Variants in ELFN2 observed in about 807,000 individuals in gnomAD.
ELFN2 encodes protein phosphatase 1 regulatory subunit 29.
ELFN2 carries 17 observed loss-of-function variants against 45.5 expected under a neutral mutation model. The ratio of observed to expected loss-of-function variants is 0.37; its 90% CI spans 0.26 to 0.56. The LOEUF (loss-of-function observed/expected upper bound fraction) is 0.56, where lower values mean the gene tolerates loss of function less well. Among genes scored for constraint, ELFN2 ranks in the 20% least tolerant of loss-of-function variants. ELFN2 has a pLI of 0.77. For missense variants in ELFN2, 922 were observed against 1,183.2 expected (o/e 0.78, Z 3.24); for synonymous variants, 550 against 551.5 (o/e 1.00, Z 0.04).
rs1454489838 is a variant in ELFN2, at chr22:37,373,170, C to T, written c.2365G>A (p.Gly789Ser). The change falls in exon 3 of 3, where the codon GGT (glycine) becomes AGT (serine). Residue 789 changes from glycine (G) to serine (S), a missense_variant. Gly to Ser is a moderately conservative substitution (Grantham distance 56, BLOSUM62 0). This residue lies in a region of ELFN2 where 564 missense variants were observed against 642.8 expected (regional missense o/e 0.88). Coordinates refer to ENST00000402918, the MANE Select transcript of ELFN2 (RefSeq NM_052906.5). ...HHREEVYMAA[G>S]HALRKKVQFA... is the part of the protein sequence containing the mutation. ...TGGACCTTCTTGCGCAGGGCGTGAC[C>T]GGCGGCCATGTACACCTCCTCCCGG... 6 of 1,613,784 alleles carry T rather than the reference C, an allele frequency of 3.7e-6. No individual in the cohort carries two copies. The highest frequency in any genetic ancestry group is 2.2e-5 in the East Asian group (1 of 44,876).
intron 2 of ELFN2, among the ~76,000 whole-genome samples, chr22:37,341,561 C>T (rs1004952442): frequency 3.2e-4 from 49 of 152,200 alleles, no homozygotes; most frequent in African/African-American, 1.1e-3. Flanking sequence ...ATATTTCCAA[C>T]GTGGTTGAAG....
chr22:37,376,185 G>A (rs1931581075), intron 2 of ELFN2, among the ~76,000 whole-genome samples, 189 bp from the exon 3 acceptor site: 2 of 152,096 alleles, frequency 1.3e-5, no homozygotes, highest in South Asian at 4.1e-4. Context: ...GGCAGGAGGG[G>A]GCCCAGGGGC....
chr22:37,399,208 TC>T (rs1932297719), intron 2 of ELFN2, among the ~76,000 whole-genome samples: 1 of 151,942 alleles, frequency 6.6e-6, no homozygotes, highest in South Asian at 2.1e-4. Flanking sequence ...TACCCTCCTG[TC>T]CCATCCCCGC....
At chr22:37,400,279 C>A (rs1306994867) in intron 2 of ELFN2, among the ~76,000 whole-genome samples, 1 of 152,058 alleles carries the variant, frequency 6.6e-6, no homozygotes, top group African/African-American at 2.4e-5. Context: ...GTCCACAGGC[C>A]GACTCCCACT....
At chr22:37,425,938 G>A (rs184170492) in intron 1 of ELFN2, among the ~76,000 whole-genome samples, 101 of 149,476 alleles carry the variant, frequency 6.8e-4, no homozygotes, top group Middle Eastern at 3.6e-3. Context: ...ATATTAAAAC[G>A]CCTCTCGGTA....
intron 2 of ELFN2, among the ~76,000 whole-genome samples, chr22:37,411,353 G>A (rs1932645445): frequency 6.6e-6 from 1 of 152,308 alleles, no homozygotes; most frequent in South Asian, 2.1e-4. Context: ...CACCATTGGG[G>A]CACCTCAGTG....
intron 1 of ELFN2, among the ~76,000 whole-genome samples, chr22:37,422,379 CGTTTTTTTT>C (rs1932815087): frequency 6.6e-6 from 1 of 151,554 alleles, no homozygotes. Context: ...GTTAAGAATT[CGTTTTTTTT>C]GTTTTTTGGT....
At chr22:37,425,245 A>C (rs73884047) in intron 1 of ELFN2, among the ~76,000 whole-genome samples, 7,506 of 152,200 alleles carry the variant, frequency 0.049, 663 homozygotes, top group African/African-American at 0.17. Context: ...GCTGCAGCAC[A>C]TTGGAGGCCT....
intron 1 of ELFN2, among the ~76,000 whole-genome samples, chr22:37,350,562 C>T (rs1930798713): frequency 1.3e-5 from 2 of 150,786 alleles, no homozygotes; most frequent in South Asian, 4.2e-4. Flanking sequence ...ACCGCAGGGC[C>T]CTAGGCCCAC....
chr22:37,383,173 CGATG>C (rs1337972735), intron 2 of ELFN2, among the ~76,000 whole-genome samples: 1 of 152,146 alleles, frequency 6.6e-6, no homozygotes, highest in East Asian at 1.9e-4. Flanking sequence ...GCACCAGTGC[CGATG>C]CGTTCAGAGC....
chr22:37,401,835 T>G (rs570579795), intron 2 of ELFN2, among the ~76,000 whole-genome samples: 1 of 152,290 alleles, frequency 6.6e-6, no homozygotes, highest in South Asian at 2.1e-4. Context: ...ACAACACCCT[T>G]CGTTTGTTTA....
intron 2 of ELFN2, among the ~76,000 whole-genome samples, chr22:37,377,737 G>A (rs954642498): frequency 6.6e-6 from 1 of 152,208 alleles, no homozygotes. Flanking sequence ...CTCCCCAGTC[G>A]CTACAGAACC....
At position 37,382,924 on chromosome 22, in the gene ELFN2, C is replaced by CT. The variant is rs372810919; in HGVS notation, c.-462-6929dup. 4.0e-4 allele frequency among the ~76,000 whole-genome samples: 61 copies of CT among 152,320 alleles called. No homozygotes were observed. The East Asian group carries it at 0.011, about 27-fold the overall frequency. ...ACAAAGCCAAGTCTGGTTCCTTGTG[C>CT]TTCTGTTCATGGGTGCCACCTTGCT... On this transcript the variant is annotated intron_variant, in intron 2 of 2. Transcript: ENST00000402918.
At position 37,372,998 on chromosome 22, in the gene ELFN2, CT is replaced by C; in HGVS notation, c.*73del. On this transcript the variant is annotated 3_prime_UTR_variant, in exon 3 of 3. Coordinates refer to ENST00000402918, the MANE Select transcript of ELFN2 (RefSeq NM_052906.5). This position sits in a 1 kb window ranked among gnomAD's most constrained non-coding sequence, Gnocchi z 4.4. ...TTGGCCCCCGAGTCTGCTCCCCGCC[CT>C]GGCCGCCTGGACCCTTCCCCCAAAA... 6.7e-7 allele frequency: 1 copy of C among 1,499,734 alleles called. No individual in the cohort carries two copies. Among genetic ancestry groups the C allele is most frequent in the Non-Finnish European group, 8.9e-7 (1 of 1,127,324 alleles). The allele number at this position is 1,499,734 out of a possible 1,614,324, so 92.9% of individuals were successfully genotyped here.
At chr22:37,404,456 G>T (rs7285900) in intron 2 of ELFN2, among the ~76,000 whole-genome samples, 46,377 of 151,724 alleles carry the variant, frequency 0.31, 7,403 homozygotes, top group Non-Finnish European at 0.36. Flanking sequence ...GGCTGAGTGA[G>T]CGTAGTGCCT....
At chr22:37,356,190 TG>T (rs1015318483) in intron 1 of ELFN2, among the ~76,000 whole-genome samples, 1 of 152,118 alleles carries the variant, frequency 6.6e-6, no homozygotes, top group African/African-American at 2.4e-5. Context: ...CTGAGCAATG[TG>T]GGGTGCTTCT....
Position 37,351,484 on chromosome 22 carries a change from G to A in ELFN2, n.149-8781C>T, listed in dbSNP as rs1215420876. 2.7e-5 allele frequency among the ~76,000 whole-genome samples: 4 copies of A among 149,872 alleles called. 1 individual carries two copies. The highest frequency in any genetic ancestry group is 6.0e-5 in the Non-Finnish European group (4 of 66,730). ...GTGCTGGCATTGACTCCTCCAGTGG[G>A]GGCACCCTCCCACTGCTCTCATCCT... On this transcript the variant is annotated intron_variant and non_coding_transcript_variant, in intron 1 of 2. Coordinates refer to ENST00000452946, the Ensembl canonical transcript of ELFN2.
At chr22:37,344,899 G>A (rs372852459) in intron 1 of ELFN2, among the ~76,000 whole-genome samples, 3 of 152,098 alleles carry the variant, frequency 2.0e-5, no homozygotes, top group East Asian at 1.9e-4. Flanking sequence ...ATCCCATGCC[G>A]CCTCCATGCC....
At chr22:37,408,247 GA>G (rs778110498) in intron 2 of ELFN2, among the ~76,000 whole-genome samples, 8 of 152,244 alleles carry the variant, frequency 5.3e-5, no homozygotes, top group Non-Finnish European at 1.2e-4. Flanking sequence ...CTGATGATGA[GA>G]GGGGTGGGGC....
Sources: allele counts gnomAD v4.1 joint callset (sites outside exome capture counted in the v4.1 genomes callset), GRCh38; gene constraint gnomAD v4.1.1; regional missense constraint gnomAD v4.1.1; non-coding constraint Gnocchi (gnomAD v3.1); transcripts MANE v1.5; gene names NCBI Gene and HGNC (gene_info 2026-07-23, HGNC 2026-07-21).